NMNAT3: variants seen among roughly 807,000 people sequenced by gnomAD.
NMNAT3 encodes the protein nicotinamide/nicotinic acid mononucleotide adenylyltransferase 3.
A neutral mutation model predicts 24.8 loss-of-function variants in NMNAT3; 21 were observed. The ratio of observed to expected loss-of-function variants is 0.85; its 90% confidence interval spans 0.60 to 1.22. The LOEUF is 1.22. Among genes scored for constraint, NMNAT3 ranks in the 50% most tolerant of loss-of-function variants. The pLI, the probability that NMNAT3 is intolerant of heterozygous loss-of-function variation, is 0.00. For synonymous variants in NMNAT3, 136 were observed against 155.2 expected (o/e 0.88, Z 0.92); for missense variants, 387 against 436.6 (o/e 0.89, Z 1.01).
chr3:139,643,332 G>T (rs1259292453), intron 1 of NMNAT3, among the ~76,000 whole-genome samples: 1 of 152,106 alleles, frequency 6.6e-6, no homozygotes, highest in Non-Finnish European at 1.5e-5. Context: ...AAATAGAATT[G>T]CCATATGATC....
chr3:139,672,866 G>A (rs2108461635), intron 1 of NMNAT3, among the ~76,000 whole-genome samples: 1 of 152,294 alleles, frequency 6.6e-6, no homozygotes, highest in Admixed American at 6.5e-5. Context: ...TGTTCTCAGT[G>A]GAAATGAATG....
chr3:139,571,001 C>T (rs936007788), intron 6 of NMNAT3: 1 of 152,562 alleles, frequency 6.6e-6, no homozygotes, highest in Admixed American at 6.5e-5. Flanking sequence ...CCAGTTGGAG[C>T]TTCCTGGACG....
chr3:139,675,938 G>A (rs1432758514), intron 1 of NMNAT3, among the ~76,000 whole-genome samples: 3 of 152,164 alleles, frequency 2.0e-5, no homozygotes, highest in Non-Finnish European at 4.4e-5. Flanking sequence ...CAATCCTCAC[G>A]ACTCACAAGG....
intron 2 of NMNAT3, chr3:139,636,257 C>A (rs1441283742): frequency 6.6e-6 from 1 of 151,572 alleles, no homozygotes; most frequent in Non-Finnish European, 1.5e-5. Context: ...TTAGAAGTTT[C>A]TATTGTCCCA....
intron 2 of NMNAT3, among the ~76,000 whole-genome samples, chr3:139,631,187 A>T (rs1381061105): frequency 6.6e-6 from 1 of 152,130 alleles, no homozygotes; most frequent in Non-Finnish European, 1.5e-5. Flanking sequence ...TGTCTGGGCC[A>T]TATCGCAGGC....
At chr3:139,597,500 G>T in intron 3 of NMNAT3, among the ~76,000 whole-genome samples, 1 of 152,246 alleles carries the variant, frequency 6.6e-6, no homozygotes, top group East Asian at 1.9e-4. Flanking sequence ...TTAGCAATTT[G>T]ATAACCTACT....
chr3:139,611,636 A>G (rs1439659688), intron 3 of NMNAT3, among the ~76,000 whole-genome samples: 1 of 152,186 alleles, frequency 6.6e-6, no homozygotes, highest in African/African-American at 2.4e-5. Context: ...AAGCAGAGAT[A>G]GAGAAGAGAA....
At chr3:139,615,886 G>T (rs1239601495) in intron 3 of NMNAT3, among the ~76,000 whole-genome samples, 1 of 151,930 alleles carries the variant, frequency 6.6e-6, no homozygotes, top group African/African-American at 2.4e-5. Context: ...AAATTAGAAG[G>T]CATGGCCACT....
At chr3:139,654,371 A>C (rs934930501) in intron 1 of NMNAT3, among the ~76,000 whole-genome samples, 8 of 152,182 alleles carry the variant, frequency 5.3e-5, no homozygotes, top group Non-Finnish European at 8.8e-5. Context: ...AGGGAGAGAG[A>C]GAGCCAGACG....
intron 1 of NMNAT3, among the ~76,000 whole-genome samples, chr3:139,664,428 T>C (rs1051608601): frequency 2.6e-5 from 4 of 152,190 alleles, no homozygotes; most frequent in African/African-American, 9.6e-5. Flanking sequence ...GGAGCTATGA[T>C]TCCTGAAGAA....
In NMNAT3 at chr3:139,627,835, C is replaced by CCA. The variant is rs552855640; in HGVS notation, c.-40-73_-40-72dup. ...AATTATCCAGATCAGTCTCTCTAAA[C>CCA]CACACACAGACCATTACTTCTCACT... On this transcript the variant is annotated intron_variant, in intron 2 of 6. Coordinates refer to ENST00000643695, the MANE Select transcript of NMNAT3 (RefSeq NM_001320510.2). The CCA allele has an allele frequency of 4.2e-4, 235 of 561,184 alleles. 1 individual carries two copies. The highest frequency in any genetic ancestry group is 9.5e-4 in the African/African-American group (51 of 53,496). The allele number at this position is 561,184 out of a possible 1,614,324, so 34.8% of individuals were successfully genotyped here.
intron 1 of NMNAT3, among the ~76,000 whole-genome samples, chr3:139,654,015 TAGTAG>T (rs1488012872): frequency 6.6e-6 from 1 of 152,132 alleles, no homozygotes; most frequent in African/African-American, 2.4e-5. Flanking sequence ...GTCCAGGAGC[TAGTAG>T]AGTACAGAGC....
At chr3:139,597,972 G>C (rs143994697) in intron 3 of NMNAT3, among the ~76,000 whole-genome samples, 2 of 152,312 alleles carry the variant, frequency 1.3e-5, no homozygotes, top group African/African-American at 4.8e-5. Flanking sequence ...CTTGTATGCC[G>C]TTGATAATTT....
intron 5 of NMNAT3, chr3:139,575,995 C>G (rs1218099774): frequency 3.9e-6 from 5 of 1,288,106 alleles, no homozygotes; most frequent in Non-Finnish European, 5.1e-6. Context: ...GTTTCTTTAT[C>G]TGTAAAATGA....
At chr3:139,627,288 C>A (rs1487290179) in intron 3 of NMNAT3, among the ~76,000 whole-genome samples, 1 of 152,056 alleles carries the variant, frequency 6.6e-6, no homozygotes, top group Non-Finnish European at 1.5e-5. Flanking sequence ...ATTCATCTGG[C>A]TGTGTAGGTA....
In NMNAT3 at chr3:139,561,090, T is replaced by C. The variant is rs1177427815; in HGVS notation, c.961A>G (p.Ile321Val). ...TTGGTGTAGAGGCCATGGTCCTTGA[T>C]GTACGTGATGACAGCATCGGGAATC... Residue 321 changes from isoleucine to valine, a missense_variant, in exon 7 of 7, where the codon ATC becomes GTC. Coordinates refer to ENST00000643695, the MANE Select transcript of NMNAT3 (RefSeq NM_001320510.2). 1.1e-5 allele frequency: 17 copies of C among 1,614,082 alleles called. No homozygotes were observed. Among genetic ancestry groups the C allele is most frequent in the Non-Finnish European group, 1.4e-5 (17 of 1,180,020 alleles).
chr3:139,667,977 G>A (rs1226642629), intron 1 of NMNAT3, among the ~76,000 whole-genome samples: 1 of 152,196 alleles, frequency 6.6e-6, no homozygotes, highest in Non-Finnish European at 1.5e-5. Flanking sequence ...ATAGGGAAAG[G>A]ATGTGATAGA....
chr3:139,656,872 T>G (rs576993528), intron 1 of NMNAT3, among the ~76,000 whole-genome samples: 1 of 152,326 alleles, frequency 6.6e-6, no homozygotes, highest in East Asian at 1.9e-4. Context: ...TTTTGAACCT[T>G]CATGGATGAC....
chr3:139,591,769 G>A (rs966567354), intron 3 of NMNAT3, among the ~76,000 whole-genome samples: 1 of 152,266 alleles, frequency 6.6e-6, no homozygotes, highest in Admixed American at 6.5e-5. Flanking sequence ...CTGTCTGTTA[G>A]AAGGAAAACT....
Sources: gnomAD v4.1 joint callset for allele counts (sites outside exome capture counted in the v4.1 genomes callset) on GRCh38, gnomAD v4.1.1 for gene constraint, MANE v1.5 for transcripts, NCBI Gene and HGNC (gene_info 2026-07-23, HGNC 2026-07-21) for gene names.